The following WWC2 variants were observed in gnomAD, a reference collection of about 807,000 sequenced individuals.
WWC2 encodes the protein WW and C2 domain containing 2.
WWC2 carries 101 observed loss-of-function variants against 138.5 expected under a neutral mutation model. The observed-to-expected ratio is 0.73, with a 90% CI of 0.62 to 0.86. WWC2 has a LOEUF of 0.86. WWC2 is among the 40% of genes least tolerant of loss of function. The probability of loss-of-function intolerance (pLI) is 0.00; values close to 1 mark genes in which losing one functional copy is unlikely to be tolerated. For synonymous variants in WWC2, 558 were observed against 538.4 expected, an observed-to-expected ratio of 1.04 and a Z score of -0.50; for missense variants, 1,420 against 1,419.4, an observed-to-expected ratio of 1.00 and a Z score of -0.01.
At chr4:183,210,527 A>G (rs59221175) in intron 4 of WWC2, among the ~76,000 whole-genome samples, 3,971 of 152,284 alleles carry the variant, frequency 0.026, 184 homozygotes, top group African/African-American at 0.091. Context: ...ATCTCCATGT[A>G]TGCCATAACA....
rs1579932505 is a variant in WWC2, at chr4:183,099,402, G to A, written c.-90G>A. 9.3e-7 allele frequency: 1 copy of A among 1,070,752 alleles called. No homozygotes were observed. The highest frequency in any genetic ancestry group is 1.2e-6 in the Non-Finnish European group (1 of 858,080). The allele number at this position is 1,070,752 out of a possible 1,614,324, so 66.3% of individuals were successfully genotyped here. On this transcript the variant is annotated 5_prime_UTR_variant, in exon 1 of 23. Transcript: ENST00000403733. Reference sequence around the variant, plus strand: ...AGCCCCTCGCCGGCGCCCGCGTCGCGGGTTGGCAGCCTAGCCCGGCAGCCG... The same window carrying A: ...AGCCCCTCGCCGGCGCCCGCGTCGCAGGTTGGCAGCCTAGCCCGGCAGCCG...
chr4:183,103,792 C>T (rs530037080), intron 1 of WWC2, among the ~76,000 whole-genome samples: 3 of 150,538 alleles, frequency 2.0e-5, no homozygotes. Flanking sequence ...CACCACCATA[C>T]CCAGATAATT....
chr4:183,246,453 G>T (rs1345921339), intron 6 of WWC2, among the ~76,000 whole-genome samples: 3 of 152,120 alleles, frequency 2.0e-5, no homozygotes, highest in Non-Finnish European at 2.9e-5. Context: ...GTTGAATATA[G>T]ATAAATATTC....
intron 1 of WWC2, among the ~76,000 whole-genome samples, chr4:183,178,855 A>G (rs1734541149): frequency 6.6e-6 from 1 of 152,238 alleles, no homozygotes; most frequent in African/African-American, 2.4e-5. Context: ...GCTGCATAGC[A>G]GGAAGTGCTT....
At position 183,116,348 on chromosome 4, in the gene WWC2, G is replaced by T. The variant is rs183330430; in HGVS notation, c.131+16726G>T. Among the ~76,000 whole-genome samples the T allele has an allele frequency of 5.3e-5, 8 of 152,296 alleles. No homozygotes were observed. In the East Asian group the frequency reaches 1.5e-3, roughly 29 times the overall value. On this transcript the variant is annotated intron_variant, in intron 1 of 22. Coordinates refer to ENST00000403733, the MANE Select transcript of WWC2 (RefSeq NM_024949.6). ...TGAGGGCAGGTATTGTGTCTGTCTT[G>T]TTCACTACTGTATTCCAATGCTCAG...
intron 1 of WWC2, among the ~76,000 whole-genome samples, chr4:183,159,045 C>T (rs1033794329): frequency 6.6e-6 from 1 of 152,156 alleles, no homozygotes; most frequent in Non-Finnish European, 1.5e-5. Context: ...CTGCTGGGTG[C>T]AGTTTTCTGC....
chr4:183,311,963 A>G (rs544317084), intron 21 of WWC2, among the ~76,000 whole-genome samples: 1 of 152,342 alleles, frequency 6.6e-6, no homozygotes, highest in Non-Finnish European at 1.5e-5. Flanking sequence ...AAAAAGATAA[A>G]TAAGATGTTG....
intron 4 of WWC2, among the ~76,000 whole-genome samples, chr4:183,225,842 G>C (rs1736055851): frequency 2.0e-5 from 3 of 152,098 alleles, no homozygotes; most frequent in Admixed American, 2.0e-4. Context: ...TATTGGGGTG[G>C]GGAGATTTGA....
intron 4 of WWC2, chr4:183,233,761 ACTAT>A (rs1480103875): frequency 6.6e-6 from 1 of 152,122 alleles, no homozygotes; most frequent in Non-Finnish European, 1.5e-5. Flanking sequence ...GAATTCTTTG[ACTAT>A]CTATCTGGAG....
chr4:183,209,772 C>T (rs1168559544), intron 4 of WWC2, among the ~76,000 whole-genome samples: 1 of 152,162 alleles, frequency 6.6e-6, no homozygotes, highest in Non-Finnish European at 1.5e-5. Context: ...ATCTTTTTAA[C>T]TAAACTGATG....
chr4:183,183,550 C>T (rs878863258), intron 1 of WWC2, among the ~76,000 whole-genome samples: 3 of 152,110 alleles, frequency 2.0e-5, no homozygotes, highest in Admixed American at 6.5e-5. Context: ...GGGAGGCCAG[C>T]GAGGGCGGAT....
rs1739457710 is a variant in WWC2 at position 183,316,886 on chromosome 4, TAAA to T, written c.*1160_*1162del. On this transcript the variant is annotated 3_prime_UTR_variant, in exon 23 of 23. Coordinates refer to ENST00000403733, the MANE Select transcript of WWC2 (RefSeq NM_024949.6). ...TTGAAGTATAAGCTAAATTGTTTAT[TAAA>T]AAGCCTATTTTGGATGAACAAGTTT... 1 of 152,190 alleles carries T rather than the reference TAAA, an allele frequency of 6.6e-6. No homozygotes were observed. The highest frequency in any genetic ancestry group is 1.5e-5 in the Non-Finnish European group (1 of 68,036). 9.4% of individuals were successfully genotyped at this position (152,190 alleles called of 1,614,324 possible).
intron 4 of WWC2, among the ~76,000 whole-genome samples, chr4:183,210,873 A>AGT (rs1735576064): frequency 1.3e-5 from 2 of 152,228 alleles, no homozygotes; most frequent in Non-Finnish European, 2.9e-5. Context: ...AGGCAGTGCG[A>AGT]GACATACCGT....
intron 21 of WWC2, among the ~76,000 whole-genome samples, chr4:183,295,435 CG>C (rs1560891861): frequency 6.6e-6 from 1 of 152,150 alleles, no homozygotes. Flanking sequence ...GCCTGTAAAA[CG>C]TGATGAGAAT....
At chr4:183,277,968 G>A (rs1371952700) in intron 16 of WWC2, among the ~76,000 whole-genome samples, 1 of 151,550 alleles carries the variant, frequency 6.6e-6, no homozygotes, top group South Asian at 2.1e-4. Flanking sequence ...CTATGCAGAA[G>A]CTCTTTAGTT....
At chr4:183,101,388 A>G (rs544825240) in intron 1 of WWC2, among the ~76,000 whole-genome samples, 94 of 152,372 alleles carry the variant, frequency 6.2e-4, no homozygotes, top group African/African-American at 2.1e-3. Flanking sequence ...AGTAATTATT[A>G]TGAACTATTT....
intron 1 of WWC2, among the ~76,000 whole-genome samples, chr4:183,138,976 C>T (rs1050588001): frequency 1.1e-4 from 16 of 152,128 alleles, no homozygotes; most frequent in Non-Finnish European, 2.9e-5. Context: ...ATCACATGTA[C>T]TCTGCATCTT....
intron 1 of WWC2, among the ~76,000 whole-genome samples, chr4:183,182,983 G>A (rs1229486688): frequency 6.6e-6 from 1 of 151,908 alleles, no homozygotes; most frequent in African/African-American, 2.4e-5. Flanking sequence ...ATTATGTGTC[G>A]ACTGTGTATG....
At chr4:183,100,145 C>T (rs540036663) in intron 1 of WWC2, among the ~76,000 whole-genome samples, 1 of 152,234 alleles carries the variant, frequency 6.6e-6, no homozygotes, top group Non-Finnish European at 1.5e-5. Context: ...CTCCCGCCCC[C>T]CGCCGGGCCC....
Sources: allele counts gnomAD v4.1 joint callset (sites outside exome capture counted in the v4.1 genomes callset), GRCh38; gene constraint gnomAD v4.1.1; transcripts MANE v1.5; gene names NCBI Gene and HGNC (gene_info 2026-07-23, HGNC 2026-07-21).